MCTP2: variants seen among roughly 807,000 people sequenced by gnomAD.
The protein encoded by MCTP2 is multiple C2 and transmembrane domain containing 2, also known as multiple C2 and transmembrane domain-containing protein 2.
In MCTP2, 132 loss-of-function variants were observed where a neutral mutation model predicts 111.6. The ratio of observed to expected loss-of-function variants is 1.18; its 90% CI spans 1.03 to 1.37. MCTP2 has a LOEUF of 1.37. Among genes scored for constraint, MCTP2 ranks in the 40% most tolerant of loss-of-function variants. The probability of loss-of-function intolerance (pLI) is 0.00; values close to 1 mark genes in which losing one functional copy is unlikely to be tolerated. For missense variants in MCTP2, 1,183 were observed against 1,067.9 expected, an observed-to-expected ratio of 1.11 and a Z score of -1.50; for synonymous variants, 395 against 387.7, an observed-to-expected ratio of 1.02 and a Z score of -0.22.
intron 1 of MCTP2, among the ~76,000 whole-genome samples, chr15:94,282,812 G>C (rs1036678258): frequency 6.6e-6 from 1 of 152,198 alleles, no homozygotes; most frequent in Non-Finnish European, 1.5e-5. Context: ...GGGAGGCAAG[G>C]CTCAGTTTAG....
chr15:94,299,686 A>G (rs900681514), intron 2 of MCTP2, among the ~76,000 whole-genome samples: 1 of 152,232 alleles, frequency 6.6e-6, no homozygotes, highest in East Asian at 1.9e-4. Context: ...GTAGGTTTCC[A>G]TGTTGAAGTA....
At chr15:94,474,098 GTTCT>G (rs1478802311) in intron 21 of MCTP2, among the ~76,000 whole-genome samples, 1 of 151,410 alleles carries the variant, frequency 6.6e-6, no homozygotes, top group East Asian at 1.9e-4. Context: ...CTTTTTTTCT[GTTCT>G]TTCTTTTCTT....
At chr15:94,290,629 A>G (rs1947889379) in intron 1 of MCTP2, among the ~76,000 whole-genome samples, 1 of 152,254 alleles carries the variant, frequency 6.6e-6, no homozygotes. Context: ...GATTTAAAAA[A>G]ATGTCCTAGC....
At chr15:94,241,717 G>C (rs550886911) in intron 1 of MCTP2, among the ~76,000 whole-genome samples, 31 of 151,882 alleles carry the variant, frequency 2.0e-4, no homozygotes, top group Non-Finnish European at 4.0e-4. Context: ...AGATGGTCTA[G>C]TTTGAGCTAA....
intron 8 of MCTP2, among the ~76,000 whole-genome samples, chr15:94,349,101 C>T (rs148910130): frequency 8.3e-4 from 127 of 152,232 alleles, no homozygotes; most frequent in African/African-American, 2.6e-3. Flanking sequence ...ACTGCACTGA[C>T]CCACTGCTGA....
chr15:94,401,895 A>G lies in MCTP2; in HGVS notation c.1966-5A>G. ...AGTTTCCTGTTTGTCATTTTTTAAA[A>G]TCAGATCTTATCAAGAGATGTGGAC... On this transcript the variant is annotated splice_region_variant and splice_polypyrimidine_tract_variant and intron_variant, in intron 16 of 22. Transcript: ENST00000357742. 5 of 1,601,914 alleles carry G rather than the reference A, an allele frequency of 3.1e-6. No homozygotes were observed. Among genetic ancestry groups the G allele is most frequent in the Non-Finnish European group, 4.3e-6 (5 of 1,174,458 alleles).
intron 17 of MCTP2, among the ~76,000 whole-genome samples, chr15:94,407,724 AAAC>A (rs1211934099): frequency 1.3e-5 from 2 of 152,060 alleles, no homozygotes; most frequent in Non-Finnish European, 2.9e-5. Flanking sequence ...TAGAACTTAA[AAAC>A]AACAGTAGCA....
chr15:94,443,986 A>G (rs1567719148), intron 19 of MCTP2, among the ~76,000 whole-genome samples: 1 of 143,474 alleles, frequency 7.0e-6, no homozygotes, highest in Non-Finnish European at 1.6e-5. Context: ...TTTACCAAAA[A>G]AAAAAAAAAA....
At chr15:94,456,019 A>C (rs930692674) in intron 19 of MCTP2, among the ~76,000 whole-genome samples, 3 of 152,220 alleles carry the variant, frequency 2.0e-5, no homozygotes, top group African/African-American at 7.2e-5. Context: ...TTTATTTGAA[A>C]ATAATGTATT....
intron 12 of MCTP2, among the ~76,000 whole-genome samples, chr15:94,374,155 G>T (rs1306305849): frequency 6.6e-6 from 1 of 152,132 alleles, no homozygotes; most frequent in East Asian, 1.9e-4. Flanking sequence ...CTGCCCAGGG[G>T]CACATCTGAT....
At chr15:94,471,762 A>AG (rs1045091766) in intron 21 of MCTP2, among the ~76,000 whole-genome samples, 19 of 151,758 alleles carry the variant, frequency 1.3e-4, no homozygotes, top group Admixed American at 2.6e-4. Flanking sequence ...ATATTTTGAA[A>AG]AAAAAAAAAA....
At chr15:94,298,761 TGTC>T in intron 2 of MCTP2, 31 bp downstream of exon 2, 1 of 1,408,340 alleles carries the variant, frequency 7.1e-7, no homozygotes, top group African/African-American at 1.5e-5. Context: ...TCTTTTTTTT[TGTC>T]TCTCTCTCTC....
intron 1 of MCTP2, among the ~76,000 whole-genome samples, chr15:94,267,161 C>A (rs150999311): frequency 6.6e-6 from 1 of 152,148 alleles, no homozygotes. Context: ...TCACCACTGC[C>A]GCAATCATAA....
At chr15:94,323,071 C>T (rs2076699922) in intron 4 of MCTP2, among the ~76,000 whole-genome samples, 1 of 152,180 alleles carries the variant, frequency 6.6e-6, no homozygotes. Flanking sequence ...ACTCCCTTCC[C>T]TGGTTCAAAC....
rs1368378645 is a variant in MCTP2, at chr15:94,379,816, CATA to C, written c.1583-4203_1583-4201del. Reference sequence around the variant, plus strand: ...TGATATGTAATATATAATTATATGACATAATTATATATGACATATAATTATATA... The same window carrying C: ...TGATATGTAATATATAATTATATGACATTATATATGACATATAATTATATA... On this transcript the variant is annotated intron_variant, in intron 12 of 22. Transcript: ENST00000357742. 3.7e-5 allele frequency among the ~76,000 whole-genome samples: 5 copies of C among 136,514 alleles called. No homozygotes were observed. In the East Asian group the frequency reaches 8.1e-4, roughly 22 times the overall value. The allele number at this position is 136,514 out of a possible 152,430, so 89.6% of individuals were successfully genotyped here.
intron 10 of MCTP2, among the ~76,000 whole-genome samples, chr15:94,359,533 C>A (rs1177292238): frequency 6.6e-6 from 1 of 152,154 alleles, no homozygotes; most frequent in Non-Finnish European, 1.5e-5. Flanking sequence ...CTTAAGGTCA[C>A]CCCTTGAGGA....
In MCTP2 at chr15:94,255,508, T is replaced by G. The variant is rs11854735; in HGVS notation, c.-66+23844T>G. ...TGACTGACATAAGTATTTTAATAAT[T>G]AATTTTATGCATACTTGCCTTTCTT... On this transcript the variant is annotated intron_variant, in intron 1 of 22. Coordinates refer to ENST00000357742, the MANE Select transcript of MCTP2 (RefSeq NM_001385001.1). Among the ~76,000 whole-genome samples, 648 of 152,310 alleles carry G rather than the reference T, an allele frequency of 4.3e-3. 10 individuals are homozygous for G. The highest frequency in any genetic ancestry group is 0.015 in the African/African-American group (620 of 41,546).
At chr15:94,444,261 A>T (rs1192870085) in intron 19 of MCTP2, among the ~76,000 whole-genome samples, 3 of 152,208 alleles carry the variant, frequency 2.0e-5, no homozygotes, top group African/African-American at 7.2e-5. Flanking sequence ...TGGGTGTGGA[A>T]CTTCCACGCC....
At chr15:94,267,869 C>CTTTTTTTCT (rs1555443743) in intron 1 of MCTP2, among the ~76,000 whole-genome samples, 1 of 77,454 alleles carries the variant, frequency 1.3e-5, no homozygotes, top group East Asian at 3.7e-4. Flanking sequence ...CCTTTTCTTT[C>CTTTTTTTCT]TTTTTTTTTT....
Sources: gnomAD v4.1 joint callset for allele counts (sites outside exome capture counted in the v4.1 genomes callset) on GRCh38, gnomAD v4.1.1 for gene constraint, MANE v1.5 for transcripts, NCBI Gene and HGNC (gene_info 2026-07-23, HGNC 2026-07-21) for gene names.